MAML2: variants seen among roughly 807,000 people sequenced by gnomAD.
MAML2 encodes mastermind like transcriptional coactivator 2.
MAML2 carries 22 observed loss-of-function variants against 96.1 expected under a neutral mutation model. The ratio of observed to expected loss-of-function variants is 0.23; its 90% CI spans 0.16 to 0.33. The LOEUF is 0.33. Among genes scored for constraint, MAML2 ranks in the 10% least tolerant of loss-of-function variants. MAML2 has a pLI of 1.00. For missense variants in MAML2, 1,367 were observed against 1,392.4 expected, an observed-to-expected ratio of 0.98 and a Z score of 0.29; for synonymous variants, 561 against 521.3, an observed-to-expected ratio of 1.08 and a Z score of -1.04.
At chr11:96,080,937 C>A (rs964413960) in intron 2 of MAML2, among the ~76,000 whole-genome samples, 3 of 152,108 alleles carry the variant, frequency 2.0e-5, no homozygotes, top group Non-Finnish European at 2.9e-5. Context: ...ATGGGTTTGC[C>A]AGAGACTCGT....
chr11:96,098,063 C>T (rs1234537338), intron 1 of MAML2, among the ~76,000 whole-genome samples: 2 of 152,100 alleles, frequency 1.3e-5, no homozygotes, highest in Non-Finnish European at 1.5e-5. Flanking sequence ...GCCCAGACAG[C>T]CAAGACAAAA....
intron 1 of MAML2, among the ~76,000 whole-genome samples, chr11:96,101,729 C>T (rs1447651880): frequency 6.6e-6 from 1 of 152,172 alleles, no homozygotes; most frequent in Non-Finnish European, 1.5e-5. Flanking sequence ...TGAACTTGAA[C>T]CTTAGGCTGG....
rs752403408 is a variant in MAML2, at chr11:95,979,386, C to G, written c.3033G>C (p.Gln1011His). Reference protein sequence around the residue: ...QQAVGSQQFSQRAVAPPNQLT... With the variant: ...QQAVGSQQFSHRAVAPPNQLT... Reference sequence around the variant, plus strand: ...ACTGGTTAGGAGGAGCCACTGCCCTCTGGGAAAATTGCTGGCTACCTACTG... The same window carrying G: ...ACTGGTTAGGAGGAGCCACTGCCCTGTGGGAAAATTGCTGGCTACCTACTG... The change falls in exon 5 of 5, where the codon CAG (glutamine) becomes CAC (histidine). Residue 1011 changes from glutamine to histidine, a missense_variant. Gln to His is a conservative substitution (Grantham distance 24). Coordinates refer to ENST00000524717, the MANE Select transcript of MAML2 (RefSeq NM_032427.4). 1 of 1,613,618 alleles carries G rather than the reference C, an allele frequency of 6.2e-7. No homozygotes were observed. The highest frequency in any genetic ancestry group is 1.1e-5 in the South Asian group (1 of 91,018).
intron 1 of MAML2, among the ~76,000 whole-genome samples, chr11:96,260,904 A>G (rs1413560913): frequency 5.3e-5 from 8 of 152,184 alleles, no homozygotes; most frequent in Non-Finnish European, 1.2e-4. Flanking sequence ...TTTGGGGGAC[A>G]GCGTAGCTTT....
intron 1 of MAML2, among the ~76,000 whole-genome samples, chr11:96,317,189 A>G (rs543853898): frequency 6.6e-6 from 1 of 152,312 alleles, no homozygotes; most frequent in South Asian, 2.1e-4. Context: ...GAGCTTCCAC[A>G]GAAGGAAAGA....
At chr11:96,299,058 A>ATATAT (rs61036575) in intron 1 of MAML2, among the ~76,000 whole-genome samples, 680 of 57,916 alleles carry the variant, frequency 0.012, 7 homozygotes, top group Admixed American at 0.045. Context: ...AAAAAAAAAA[A>ATATAT]AAATATATAT....
intron 1 of MAML2, among the ~76,000 whole-genome samples, chr11:96,213,727 C>T (rs184476306): frequency 6.6e-5 from 10 of 152,306 alleles, no homozygotes; most frequent in South Asian, 2.1e-4. Flanking sequence ...TTAAGTTCCC[C>T]ACCATTAGTC....
chr11:96,185,164 C>CCTTA (rs1159365935), intron 1 of MAML2, among the ~76,000 whole-genome samples: 1 of 148,246 alleles, frequency 6.7e-6, no homozygotes, highest in Non-Finnish European at 1.5e-5. Flanking sequence ...CAGTGGAGCT[C>CCTTA]CTTATCGTAG....
At chr11:96,127,405 G>T (rs1170596826) in intron 1 of MAML2, among the ~76,000 whole-genome samples, 3 of 152,152 alleles carry the variant, frequency 2.0e-5, no homozygotes, top group Non-Finnish European at 2.9e-5. Context: ...ATGGAGAGTT[G>T]CCATAGTTAC....
chr11:95,995,553 A>G lies in MAML2; in HGVS notation c.2140-3830T>C, dbSNP rs9633813. ...GATGAATTTTAGAACAGTGCCAGGG[A>G]CTTAGTAGAGATGTTTGATACACTT... On this transcript the variant is annotated intron_variant, in intron 2 of 4. Transcript: ENST00000524717. Among the ~76,000 whole-genome samples, 185 of 152,276 alleles carry G rather than the reference A, an allele frequency of 1.2e-3. No individual in the cohort carries two copies. In the East Asian group the frequency reaches 0.021, roughly 17 times the overall value.
At chr11:96,013,034 A>G (rs940809713) in intron 2 of MAML2, among the ~76,000 whole-genome samples, 14 of 152,006 alleles carry the variant, frequency 9.2e-5, no homozygotes, top group Admixed American at 6.6e-5. Flanking sequence ...GAGGGTTTTT[A>G]TTTTCTCTCT....
intron 1 of MAML2, among the ~76,000 whole-genome samples, chr11:96,133,920 G>A (rs772899563): frequency 6.6e-6 from 1 of 152,146 alleles, no homozygotes; most frequent in Non-Finnish European, 1.5e-5. Context: ...CTTGAGCCCA[G>A]GAGGCAGAGG....
At chr11:96,081,203 C>T (rs902215849) in intron 2 of MAML2, among the ~76,000 whole-genome samples, 16 of 151,918 alleles carry the variant, frequency 1.1e-4, no homozygotes, top group Admixed American at 2.6e-4. Context: ...ATACATCTTC[C>T]GAAAACATTA....
intron 1 of MAML2, among the ~76,000 whole-genome samples, chr11:96,203,010 AAT>A (rs1223091137): frequency 6.6e-6 from 1 of 152,170 alleles, no homozygotes; most frequent in African/African-American, 2.4e-5. Context: ...CAAGGCAATA[AAT>A]ATGTTGAAAA....
chr11:96,000,156 C>T (rs563996756), intron 2 of MAML2, among the ~76,000 whole-genome samples: 18 of 152,172 alleles, frequency 1.2e-4, no homozygotes, highest in East Asian at 3.9e-4. Context: ...AACACAGCAA[C>T]GACAACAACA....
intron 1 of MAML2, among the ~76,000 whole-genome samples, chr11:96,319,153 C>G (rs1449662864): frequency 6.6e-6 from 1 of 152,198 alleles, no homozygotes; most frequent in Non-Finnish European, 1.5e-5. Context: ...GAGGCCATCA[C>G]AGCAAGGAAC....
chr11:96,202,090 T>C (rs981994785), intron 1 of MAML2, among the ~76,000 whole-genome samples: 2 of 149,606 alleles, frequency 1.3e-5, no homozygotes, highest in African/African-American at 4.9e-5. Flanking sequence ...TCCCAGCACT[T>C]TGGGAGGCCG....
intron 1 of MAML2, among the ~76,000 whole-genome samples, chr11:96,178,930 G>GA (rs1441191084): frequency 1.3e-5 from 2 of 152,168 alleles, no homozygotes; most frequent in Non-Finnish European, 2.9e-5. Context: ...ACCCTCTTCT[G>GA]AAAAAGGAAT....
intron 1 of MAML2, among the ~76,000 whole-genome samples, chr11:96,108,555 C>T (rs961216581): frequency 2.7e-4 from 41 of 152,156 alleles, no homozygotes; most frequent in African/African-American, 9.7e-4. Flanking sequence ...TACACATAAT[C>T]ATTATCCTTA....
Sources: gnomAD v4.1 joint callset for allele counts (sites outside exome capture counted in the v4.1 genomes callset) on GRCh38, gnomAD v4.1.1 for gene constraint, MANE v1.5 for transcripts, NCBI Gene and HGNC (gene_info 2026-07-23, HGNC 2026-07-21) for gene names.